The following KIF13B variants were observed in gnomAD, a reference collection of about 807,000 sequenced individuals.
KIF13B encodes kinesin family member 13B, also known as kinesin-like protein KIF13B.
A neutral mutation model predicts 222.0 loss-of-function variants in KIF13B; 127 were observed. The ratio of observed to expected loss-of-function variants is 0.57; its 90% confidence interval spans 0.50 to 0.66. The LOEUF is 0.66. Among genes scored for constraint, KIF13B ranks in the 30% least tolerant of loss-of-function variants. The pLI is 0.00. For missense variants in KIF13B, 2,173 were observed against 2,379.0 expected (o/e 0.91, Z 1.80); for synonymous variants, 976 against 919.0 (o/e 1.06, Z -1.12).
intron 2 of KIF13B, among the ~76,000 whole-genome samples, chr8:29,232,432 T>C (rs1202348734): frequency 7.1e-6 from 1 of 140,576 alleles, no homozygotes; most frequent in African/African-American, 2.6e-5. Flanking sequence ...TAAAAAAAAT[T>C]AAAAAATAAA....
chr8:29,134,801 T>C (rs1051914940), intron 21 of KIF13B, among the ~76,000 whole-genome samples: 2 of 152,042 alleles, frequency 1.3e-5, no homozygotes, highest in East Asian at 1.9e-4. Context: ...TGGGGAGAGA[T>C]AGAAGGGAAG....
intron 36 of KIF13B, among the ~76,000 whole-genome samples, chr8:29,097,123 C>T (rs574772403): frequency 6.6e-6 from 1 of 151,766 alleles, no homozygotes; most frequent in Non-Finnish European, 1.5e-5. Context: ...TTTTAAAAGC[C>T]AAGAAAAAGA....
chr8:29,211,730 A>C (rs1814235710), intron 2 of KIF13B, among the ~76,000 whole-genome samples: 1 of 152,238 alleles, frequency 6.6e-6, no homozygotes. Flanking sequence ...GGCATGAGTT[A>C]CAACCAGCCA....
chr8:29,071,681 G>A lies in KIF13B; in HGVS notation c.5157C>T (p.Tyr1719=), dbSNP rs1025914110. 1.2e-5 allele frequency: 18 copies of A among 1,554,334 alleles called. 1 individual carries two copies. In the African/African-American group the frequency reaches 1.4e-4, roughly 12 times the overall value. The stretch of plus-strand genomic sequence containing the variant: ...CCTCTTGGAAGTCGGCAGGCCCCAC[G>A]TATCTCACCACGCCCGTTTTGTGGG... ...VGAHKTGVVR[Y]VGPADFQEGT... The change falls in exon 39 of 40, where the codon TAC becomes TAT. Residue 1719 remains tyrosine (Y), a synonymous_variant. Transcript: ENST00000524189. The surrounding 1 kb of genome is among the most constrained non-coding windows in gnomAD (Gnocchi z 4.9).
intron 2 of KIF13B, among the ~76,000 whole-genome samples, chr8:29,213,719 C>T (rs553924018): frequency 6.6e-6 from 1 of 151,734 alleles, no homozygotes; most frequent in African/African-American, 2.4e-5. Context: ...GAGGCTGAGG[C>T]GGGTGGATCA....
chr8:29,143,455 T>A (rs991550796), intron 18 of KIF13B, among the ~76,000 whole-genome samples: 2 of 152,190 alleles, frequency 1.3e-5, no homozygotes, highest in African/African-American at 4.8e-5. Flanking sequence ...CAAATATGCA[T>A]TGTTTGGGTT....
At position 29,069,146 on chromosome 8, in the gene KIF13B, C is replaced by T. The variant is rs1409001565; in HGVS notation, c.*1358G>A. 6.6e-6 allele frequency: 1 copy of T among 152,262 alleles called. No homozygotes were observed. The highest frequency in any genetic ancestry group is 2.4e-5 in the African/African-American group (1 of 41,462). The allele number at this position is 152,262 out of a possible 1,614,324, so 9.4% of individuals were successfully genotyped here. ...CCAAGGGTGGCTGTGTGAATCTTGA[C>T]CCAGGACTCCTGTCCCTAGATTGGT... On this transcript the variant is annotated 3_prime_UTR_variant, in exon 40 of 40. Transcript: ENST00000524189.
At chr8:29,219,102 T>A (rs900738785) in intron 2 of KIF13B, 1 of 152,222 alleles carries the variant, frequency 6.6e-6, no homozygotes, top group African/African-American at 2.4e-5. Flanking sequence ...CCCTACTACA[T>A]GGAACACAAA....
intron 2 of KIF13B, among the ~76,000 whole-genome samples, chr8:29,226,717 T>G (rs990318864): frequency 2.0e-5 from 3 of 152,258 alleles, no homozygotes; most frequent in Non-Finnish European, 2.9e-5. Context: ...TGACATGTGT[T>G]CTTCTCTGCA....
Position 29,130,656 on chromosome 8 carries a change from T to C in KIF13B, c.2952A>G (p.Glu984=), listed in dbSNP as rs781766423. ...CCCAGAATTCCAATTTCCTGGTCAC[T>C]TCACTCCATCTAGGAAATAAGCGAA... ...KTRSLRDRWS[E]VTRKLEFWVQ... Residue 984 remains glutamate, a synonymous_variant, in exon 24 of 40, where the codon GAA becomes GAG. Coordinates refer to ENST00000524189, the MANE Select transcript of KIF13B (RefSeq NM_015254.4). 3 of 1,613,720 alleles carry C rather than the reference T, an allele frequency of 1.9e-6. No individual in the cohort carries two copies. In the South Asian group the frequency reaches 3.3e-5, roughly 18 times the overall value.
intron 9 of KIF13B, 95 bp from the exon 10 acceptor site, chr8:29,176,274 C>G (rs1178638643): frequency 2.7e-6 from 2 of 728,008 alleles, no homozygotes; most frequent in Non-Finnish European, 4.7e-6. Context: ...GCCCTTGTAC[C>G]TGCATGTGAG....
At chr8:29,154,017 G>C (rs1586851094) in intron 14 of KIF13B, among the ~76,000 whole-genome samples, 1 of 152,208 alleles carries the variant, frequency 6.6e-6, no homozygotes, top group East Asian at 1.9e-4. Flanking sequence ...CACACTAAAA[G>C]TAACTGGATC....
At position 29,204,331 on chromosome 8, in the gene KIF13B, CAATCACTTGCA is replaced by C. The variant is rs560825758; in HGVS notation, c.150-8143_150-8133del. ...TCAAAGAATACACTCAGTATTAACTCAATCACTTGCAAATCACTTGTCTTTTCTCATCTGTG... is the reference window on the plus strand; with the variant it reads ...TCAAAGAATACACTCAGTATTAACTCAATCACTTGTCTTTTCTCATCTGTG... On this transcript the variant is annotated intron_variant, in intron 2 of 39. Coordinates refer to ENST00000524189, the MANE Select transcript of KIF13B (RefSeq NM_015254.4). Among the ~76,000 whole-genome samples, 39 of 152,300 alleles carry C rather than the reference CAATCACTTGCA, an allele frequency of 2.6e-4. 1 individual carries two copies. The South Asian group carries it at 8.1e-3, about 32-fold the overall frequency.
upstream of KIF13B, among the ~76,000 whole-genome samples, chr8:29,263,286 C>A (rs545154096): frequency 6.6e-6 from 1 of 152,256 alleles, no homozygotes; most frequent in Non-Finnish European, 1.5e-5. Context: ...TACAACTTAC[C>A]TACAGCAATG....
intron 29 of KIF13B, among the ~76,000 whole-genome samples, chr8:29,119,532 G>A (rs1809757404): frequency 6.6e-6 from 1 of 152,164 alleles, no homozygotes; most frequent in African/African-American, 2.4e-5. Flanking sequence ...GTGGGCATGG[G>A]GGGACCGAGA....
chr8:29,197,548 A>G (rs1813496605), intron 2 of KIF13B, among the ~76,000 whole-genome samples: 1 of 151,928 alleles, frequency 6.6e-6, no homozygotes, highest in African/African-American at 2.4e-5. Context: ...ACATACACAT[A>G]TATGTTTTTT....
At chr8:29,109,743 G>C (rs114596455) in intron 33 of KIF13B, among the ~76,000 whole-genome samples, 175 bp downstream of exon 33, 1 of 152,110 alleles carries the variant, frequency 6.6e-6, no homozygotes, top group African/African-American at 2.4e-5. Flanking sequence ...TTAAATAAAG[G>C]CTGTTACTTT....
Position 29,256,750 on chromosome 8 carries a change from T to TTTTGTTTG in KIF13B, c.55+6222_55+6229dup, listed in dbSNP as rs111411821. 6.4e-3 allele frequency among the ~76,000 whole-genome samples: 970 copies of TTTTGTTTG among 151,782 alleles called. 16 individuals carry two copies. Among genetic ancestry groups the TTTTGTTTG allele is most frequent in the African/African-American group, 0.023 (932 of 41,294 alleles). ...ATAGAAATGCTACAATTACTACTTT[T>TTTTGTTTG]TTTGTTTGTTTGTTTGTTTGTTTTG... On this transcript the variant is annotated intron_variant, in intron 1 of 39. Coordinates refer to ENST00000524189, the MANE Select transcript of KIF13B (RefSeq NM_015254.4).
upstream of KIF13B, chr8:29,263,154 C>A: frequency 2.1e-6 from 1 of 469,056 alleles, no homozygotes; most frequent in Non-Finnish European, 3.6e-6. Flanking sequence ...GGGCTGGGGG[C>A]GGGGCCGGCG....
Sources: gnomAD v4.1 joint callset for allele counts (sites outside exome capture counted in the v4.1 genomes callset) on GRCh38, gnomAD v4.1.1 for gene constraint, Gnocchi (gnomAD v3.1) non-coding constraint, MANE v1.5 for transcripts, NCBI Gene and HGNC (gene_info 2026-07-23, HGNC 2026-07-21) for gene names.